LRRC4C: variants seen among roughly 807,000 people sequenced by gnomAD.
The protein encoded by LRRC4C is leucine rich repeat containing 4C.
Under a neutral mutation model 33.6 loss-of-function variants are expected in LRRC4C, and 5 were observed. That is an observed-to-expected ratio of 0.15 (90% confidence interval 0.08 to 0.31). The LOEUF is 0.31. Among genes scored for constraint, LRRC4C ranks in the 10% least tolerant of loss-of-function variants. LRRC4C has a pLI of 1.00. For synonymous variants in LRRC4C, 329 were observed against 302.0 expected (o/e 1.09, Z -0.93); for missense variants, 560 against 796.7 (o/e 0.70, Z 3.58).
chr11:41,078,739 G>A (rs1248045888), intron 1 of LRRC4C, among the ~76,000 whole-genome samples: 1 of 152,112 alleles, frequency 6.6e-6, no homozygotes, highest in Non-Finnish European at 1.5e-5. Context: ...GGGATACAGA[G>A]CCAAACCATA....
At chr11:40,270,107 G>C (rs569409746) in intron 4 of LRRC4C, among the ~76,000 whole-genome samples, 1 of 152,230 alleles carries the variant, frequency 6.6e-6, no homozygotes, top group African/African-American at 2.4e-5. Flanking sequence ...GTGGAGATAA[G>C]GGGAGAATGT....
rs112199252 is a variant in LRRC4C, at chr11:40,282,174, C to A, written c.-176+37454G>T. Among the ~76,000 whole-genome samples, 11 of 152,212 alleles carry A rather than the reference C, an allele frequency of 7.2e-5. 3 individuals carry two copies. The highest frequency in any genetic ancestry group is 2.4e-4 in the African/African-American group (10 of 41,530). ...GATCAGCCTGGCCAACATGGTGAAA[C>A]CCTGTCTCTAAAATACAAAAATTAG... is the stretch of plus-strand genomic sequence containing the variant. On this transcript the variant is annotated intron_variant, in intron 4 of 6. Coordinates refer to ENST00000528697, the MANE Select transcript of LRRC4C (RefSeq NM_001258419.2).
intron 2 of LRRC4C, among the ~76,000 whole-genome samples, chr11:40,739,890 ATATGTATG>A (rs754327574): frequency 1.3e-5 from 2 of 151,746 alleles, no homozygotes; most frequent in African/African-American, 4.8e-5. Flanking sequence ...GACTAATATG[ATATGTATG>A]TATGTATGTA....
intron 1 of LRRC4C, among the ~76,000 whole-genome samples, chr11:41,198,158 T>A (rs1196460065): frequency 6.6e-6 from 1 of 152,056 alleles, no homozygotes; most frequent in African/African-American, 2.4e-5. Context: ...TGGATAAATC[T>A]ATAGATTTTT....
chr11:40,562,498 G>T (rs1167448011), intron 3 of LRRC4C, among the ~76,000 whole-genome samples: 1 of 149,320 alleles, frequency 6.7e-6, no homozygotes, highest in African/African-American at 2.5e-5. Flanking sequence ...CTATAAAGTA[G>T]GTAATACTAT....
chr11:40,154,511 G>A (rs1230385678), intron 5 of LRRC4C, among the ~76,000 whole-genome samples: 1 of 152,082 alleles, frequency 6.6e-6, no homozygotes, highest in Non-Finnish European at 1.5e-5. Flanking sequence ...AAGTAAAGGG[G>A]TGGAAAAAGC....
rs371174978 is a variant in LRRC4C at position 40,826,134 on chromosome 11, C to A, written c.-407+107501G>T. On this transcript the variant is annotated intron_variant, in intron 2 of 6. Coordinates refer to ENST00000528697, the MANE Select transcript of LRRC4C (RefSeq NM_001258419.2). Reference sequence around the variant, plus strand: ...ATAGAACTAACTGCTTGTTAAAGAGCAAATCATTCCTTTCTATTTAGCCAG... The same window carrying A: ...ATAGAACTAACTGCTTGTTAAAGAGAAAATCATTCCTTTCTATTTAGCCAG... Among the ~76,000 whole-genome samples, 15 of 151,872 alleles carry A rather than the reference C, an allele frequency of 9.9e-5. 1 individual carries two copies. Among genetic ancestry groups the A allele is most frequent in the East Asian group, 7.7e-4 (4 of 5,162 alleles).
intron 4 of LRRC4C, among the ~76,000 whole-genome samples, chr11:40,246,123 G>A (rs189740718): frequency 9.4e-4 from 142 of 151,760 alleles, no homozygotes; most frequent in Admixed American, 2.8e-3. Flanking sequence ...ACAGGTGTCC[G>A]CCACCACACC....
At chr11:40,482,573 G>C (rs1001371846) in intron 3 of LRRC4C, among the ~76,000 whole-genome samples, 5 of 151,946 alleles carry the variant, frequency 3.3e-5, no homozygotes, top group South Asian at 2.1e-4. Flanking sequence ...GGGCTCAAGT[G>C]ATTCTCTCAC....
At chr11:40,614,073 T>C (rs1961513081) in intron 3 of LRRC4C, among the ~76,000 whole-genome samples, 1 of 151,808 alleles carries the variant, frequency 6.6e-6, no homozygotes, top group African/African-American at 2.4e-5. Context: ...TCAACTTAAG[T>C]CACCAGCTAT....
chr11:40,140,723 T>A (rs1444261139), intron 6 of LRRC4C, 78 bp downstream of exon 6: 2 of 152,522 alleles, frequency 1.3e-5, no homozygotes, highest in East Asian at 3.9e-4. Context: ...TGACAGTGTA[T>A]AACGAGTCAC....
chr11:40,985,037 C>T lies in LRRC4C; in HGVS notation c.-495-51314G>A, dbSNP rs143592022. Among the ~76,000 whole-genome samples the T allele has an allele frequency of 4.0e-5, 6 of 151,120 alleles. No homozygotes were observed. The East Asian group carries it at 1.2e-3, about 30-fold the overall frequency. On this transcript the variant is annotated intron_variant, in intron 1 of 6. Transcript: ENST00000528697. ...CTGCCTCAGCCTCCTCTCACTGACA[C>T]TTATTAATTAAACTCCAGCTGCACC...
intron 4 of LRRC4C, among the ~76,000 whole-genome samples, chr11:40,296,568 A>G (rs138604665): frequency 8.9e-4 from 135 of 152,260 alleles, no homozygotes; most frequent in African/African-American, 3.0e-3. Flanking sequence ...GCAGGCTGTC[A>G]TTTTCTGCCC....
At chr11:40,305,697 C>T (rs996009415) in intron 4 of LRRC4C, among the ~76,000 whole-genome samples, 3 of 151,972 alleles carry the variant, frequency 2.0e-5, no homozygotes, top group African/African-American at 7.2e-5. Flanking sequence ...TTAAGCCCAA[C>T]ACCAGAAGTT....
chr11:40,409,071 C>T (rs1157410825), intron 3 of LRRC4C, among the ~76,000 whole-genome samples: 1 of 151,848 alleles, frequency 6.6e-6, no homozygotes, highest in African/African-American at 2.4e-5. Flanking sequence ...ATTAATGAAA[C>T]AGAATAGAGA....
At chr11:41,194,590 C>T (rs1386054037) in intron 1 of LRRC4C, among the ~76,000 whole-genome samples, 1 of 152,068 alleles carries the variant, frequency 6.6e-6, no homozygotes, top group African/African-American at 2.4e-5. Context: ...TTAGAAGGAA[C>T]TGAGGCCTTG....
intron 2 of LRRC4C, among the ~76,000 whole-genome samples, chr11:40,708,624 T>C (rs1356139404): frequency 6.6e-6 from 1 of 152,230 alleles, no homozygotes; most frequent in African/African-American, 2.4e-5. Context: ...ATGAGTGCTT[T>C]ACTTCCAACT....
intron 2 of LRRC4C, among the ~76,000 whole-genome samples, chr11:40,694,509 G>T (rs1443112172): frequency 6.6e-6 from 1 of 152,090 alleles, no homozygotes; most frequent in Non-Finnish European, 1.5e-5. Flanking sequence ...GGAGGTAATA[G>T]CAGCTAAATG....
chr11:41,012,862 A>G (rs1855307435), intron 1 of LRRC4C, among the ~76,000 whole-genome samples: 1 of 152,034 alleles, frequency 6.6e-6, no homozygotes, highest in African/African-American at 2.4e-5. Context: ...TTTCTCATAT[A>G]CCTATTGGCC....
Sources: gnomAD v4.1 joint callset for allele counts (sites outside exome capture counted in the v4.1 genomes callset) on GRCh38, gnomAD v4.1.1 for gene constraint, MANE v1.5 for transcripts, NCBI Gene and HGNC (gene_info 2026-07-23, HGNC 2026-07-21) for gene names.